Variants in PRKX observed in about 807,000 individuals in gnomAD.
The protein encoded by PRKX is cAMP-dependent protein kinase catalytic subunit PRKX.
PRKX carries 12 observed loss-of-function variants against 22.0 expected under a neutral mutation model. That is an observed-to-expected ratio of 0.54 (90% CI 0.35 to 0.88). PRKX has a LOEUF of 0.88. Among genes scored for constraint, PRKX ranks in the 40% least tolerant of loss-of-function variants. The pLI, the probability that PRKX is intolerant of heterozygous loss-of-function variation, is 0.01. For synonymous variants in PRKX, 134 were observed against 137.7 expected (o/e 0.97, Z 0.19); for missense variants, 217 against 308.0 (o/e 0.70, Z 2.21).
intron 1 of PRKX, among the ~76,000 whole-genome samples, chrX:3,680,205 G>A (rs1460282696): frequency 4.5e-5 from 5 of 110,315 alleles, no homozygotes; most frequent in African/African-American, 3.3e-5. Context: ...GTGCAATGGC[G>A]CAATCTCAGT....
chrX:3,665,097 T>C (rs1927694166), intron 2 of PRKX, among the ~76,000 whole-genome samples: 1 of 111,496 alleles, frequency 9.0e-6, no homozygotes, highest in Non-Finnish European at 1.9e-5. Context: ...CGCGCGCGTG[T>C]GTGTGTGTGC....
intron 3 of PRKX, among the ~76,000 whole-genome samples, chrX:3,652,648 T>C (rs1486349363): frequency 3.6e-5 from 4 of 112,084 alleles, no homozygotes; most frequent in Non-Finnish European, 7.5e-5. Flanking sequence ...TATGTGTGTG[T>C]ACGGAAACAT....
intron 2 of PRKX, among the ~76,000 whole-genome samples, chrX:3,673,265 G>A: frequency 9.0e-6 from 1 of 111,470 alleles, no homozygotes; most frequent in Non-Finnish European, 1.9e-5. Context: ...GCCTGTCAAA[G>A]AAGGGTGGCC....
intron 6 of PRKX, 152 bp from the exon 7 acceptor site, chrX:3,616,044 C>A (rs1926413787): frequency 4.0e-6 from 2 of 494,282 alleles, no homozygotes; most frequent in African/African-American, 4.8e-5. Flanking sequence ...GGGTGAGCTG[C>A]CAGGAAAACC....
intron 3 of PRKX, among the ~76,000 whole-genome samples, chrX:3,654,929 G>A (rs1003134622): frequency 1.8e-5 from 2 of 111,399 alleles, no homozygotes; most frequent in Non-Finnish European, 3.8e-5. Flanking sequence ...GCCAGTGAAG[G>A]AGACTGACTT....
At chrX:3,701,409 T>C (rs1410336157) in intron 1 of PRKX, among the ~76,000 whole-genome samples, 1 of 112,755 alleles carries the variant, frequency 8.9e-6, no homozygotes, top group Admixed American at 9.4e-5. Context: ...TGTCGCCTAC[T>C]TTTTCTGAAG....
At chrX:3,652,900 C>T (rs928177631) in intron 3 of PRKX, among the ~76,000 whole-genome samples, 1 of 110,594 alleles carries the variant, frequency 9.0e-6, no homozygotes, top group Admixed American at 9.6e-5. Flanking sequence ...GAGGAGACAG[C>T]GTCTCCAAGC....
intron 2 of PRKX, among the ~76,000 whole-genome samples, chrX:3,671,754 G>A (rs1004877650): frequency 2.7e-5 from 3 of 111,149 alleles, no homozygotes; most frequent in African/African-American, 9.8e-5. Flanking sequence ...TTGGGAGGCC[G>A]AGGTGGGAAG....
In PRKX at chrX:3,713,119, G is replaced by C; in HGVS notation, c.135C>G (p.Ser45Arg). 1 of 1,163,820 alleles carries C rather than the reference G, an allele frequency of 8.6e-7. No homozygotes were observed. Among genetic ancestry groups the C allele is most frequent in the Non-Finnish European group, 1.1e-6 (1 of 874,984 alleles). ...EALSPEPPVY[S>R]LQDFDTLATV... is the part of the protein sequence containing the mutation. ...TGGCCAGCGTGTCAAAGTCCTGCAGGCTGTACACAGGCGGCTCCGGCGACA... is the reference window on the plus strand; with the variant it reads ...TGGCCAGCGTGTCAAAGTCCTGCAGCCTGTACACAGGCGGCTCCGGCGACA... Residue 45 changes from serine (S) to arginine (R), a missense_variant, in exon 1 of 9, where the codon AGC becomes AGG. Ser to Arg is a moderately radical substitution (Grantham distance 110). Transcript: ENST00000262848.
intron 1 of PRKX, among the ~76,000 whole-genome samples, chrX:3,675,297 G>A (rs1171695947): frequency 9.0e-6 from 1 of 111,137 alleles, no homozygotes; most frequent in Non-Finnish European, 1.9e-5. Context: ...ACAATCTGGC[G>A]TGGGTTGGGA....
intron 3 of PRKX, among the ~76,000 whole-genome samples, chrX:3,650,338 A>G (rs57453037): frequency 0.3 from 31,509 of 103,978 alleles, 4,407 homozygotes; most frequent in East Asian, 0.61. Flanking sequence ...TGGCTAACAC[A>G]GTGAAACCCC....
intron 3 of PRKX, among the ~76,000 whole-genome samples, chrX:3,645,735 C>A (rs1197676987): frequency 9.0e-6 from 1 of 111,575 alleles, no homozygotes; most frequent in Non-Finnish European, 1.9e-5. Context: ...GAGTTCCAGA[C>A]CAGCCAAGGC....
At position 3,677,450 on chromosome X, in the gene PRKX, C is replaced by G. The variant is rs765245047; in HGVS notation, c.167-2684G>C. Among the ~76,000 whole-genome samples, 12 of 107,344 alleles carry G rather than the reference C, an allele frequency of 1.1e-4. 1 individual carries two copies. The South Asian group carries it at 4.2e-3, about 37-fold the overall frequency. The allele number at this position is 107,344 out of a possible 115,157, so 93.2% of individuals were successfully genotyped here. On this transcript the variant is annotated intron_variant, in intron 1 of 8. Coordinates refer to ENST00000262848, the MANE Select transcript of PRKX (RefSeq NM_005044.5). The stretch of plus-strand genomic sequence containing the variant: ...GCTCAAGTGACCCTCCCACCTCAGC[C>G]CAAATAGTTGGGACTACAGGCGTGC...
At chrX:3,618,050 C>CA (rs755608512) in intron 6 of PRKX, among the ~76,000 whole-genome samples, 1,128 of 60,502 alleles carry the variant, frequency 0.019, 14 homozygotes, top group Non-Finnish European at 0.026. Flanking sequence ...TGCTGTGTCT[C>CA]AAAAAAAAAA....
At chrX:3,664,501 G>A (rs1927679218) in intron 2 of PRKX, among the ~76,000 whole-genome samples, 1 of 112,543 alleles carries the variant, frequency 8.9e-6, no homozygotes, top group African/African-American at 3.2e-5. Flanking sequence ...GTCTCTCAAA[G>A]TGCTGGGATT....
chrX:3,639,835 G>C (rs183506220), intron 4 of PRKX, among the ~76,000 whole-genome samples: 2 of 110,792 alleles, frequency 1.8e-5, no homozygotes, highest in East Asian at 2.9e-4. Context: ...GCAGAGATAA[G>C]CACATGGGAC....
chrX:3,676,724 T>C (rs1377123251), intron 1 of PRKX, among the ~76,000 whole-genome samples: 4 of 111,850 alleles, frequency 3.6e-5, no homozygotes, highest in African/African-American at 6.5e-5. Flanking sequence ...AGTCTAATCT[T>C]GAAGTGTGGC....
At chrX:3,705,056 CG>C (rs1928654750) in intron 1 of PRKX, among the ~76,000 whole-genome samples, 1 of 111,716 alleles carries the variant, frequency 9.0e-6, no homozygotes, top group Admixed American at 9.5e-5. Context: ...GACCCTGCCG[CG>C]TGGGGTGAAT....
intron 1 of PRKX, among the ~76,000 whole-genome samples, chrX:3,678,695 TGTTTAAG>T (rs1019794987): frequency 1.3e-4 from 14 of 111,757 alleles, no homozygotes; most frequent in Admixed American, 1.2e-3. Flanking sequence ...CATGCTGTAA[TGTTTAAG>T]GTTTATCAGC....
Sources: allele counts gnomAD v4.1 joint callset (sites outside exome capture counted in the v4.1 genomes callset), GRCh38; gene constraint gnomAD v4.1.1; transcripts MANE v1.5; gene names NCBI Gene and HGNC (gene_info 2026-07-23, HGNC 2026-07-21).